The following RIMS2 variants were observed in gnomAD, a reference collection of about 807,000 sequenced individuals.
RIMS2 encodes the protein regulating synaptic membrane exocytosis 2, also known as regulating synaptic membrane exocytosis protein 2.
RIMS2 carries 59 observed loss-of-function variants against 174.4 expected under a neutral mutation model. The ratio of observed to expected loss-of-function variants is 0.34; its 90% CI spans 0.27 to 0.42. The LOEUF is 0.42. RIMS2 is among the 10% of genes least tolerant of loss of function. The pLI is 1.00. For synonymous variants in RIMS2, 606 were observed against 572.5 expected (o/e 1.06, Z -0.84); for missense variants, 1,620 against 1,666.3 (o/e 0.97, Z 0.48).
chr8:104,053,173 T>C (rs988068745), intron 19 of RIMS2, among the ~76,000 whole-genome samples: 12 of 152,178 alleles, frequency 7.9e-5, no homozygotes, highest in Non-Finnish European at 4.4e-5. Context: ...TCACCACAAA[T>C]TAAGTAGAGG....
intron 3 of RIMS2, among the ~76,000 whole-genome samples, chr8:103,867,298 C>T (rs4289779): frequency 5.9e-5 from 9 of 151,602 alleles, no homozygotes; most frequent in South Asian, 2.1e-4. Flanking sequence ...ATTGAAAATT[C>T]GGAAATAACA....
At chr8:103,614,997 C>T (rs1423350322) in intron 1 of RIMS2, among the ~76,000 whole-genome samples, 1 of 152,154 alleles carries the variant, frequency 6.6e-6, no homozygotes, top group Non-Finnish European at 1.5e-5. Context: ...TTCTCTGTTT[C>T]ACATCCAATG....
chr8:103,617,756 T>A (rs2095539719), intron 1 of RIMS2, among the ~76,000 whole-genome samples: 1 of 151,866 alleles, frequency 6.6e-6, no homozygotes, highest in African/African-American at 2.4e-5. Context: ...ATGAAAAAAA[T>A]TCAGTATTAG....
chr8:103,783,646 T>A (rs868535432), intron 3 of RIMS2, among the ~76,000 whole-genome samples: 9,946 of 152,040 alleles, frequency 0.065, 368 homozygotes, highest in Non-Finnish European at 0.078. Flanking sequence ...ATGTGCCACA[T>A]TTTCTTAATC....
At chr8:103,946,569 T>C (rs1213674108) in intron 14 of RIMS2, among the ~76,000 whole-genome samples, 7 of 151,974 alleles carry the variant, frequency 4.6e-5, no homozygotes, top group Admixed American at 2.6e-4. Flanking sequence ...ATGTTCAAAC[T>C]CGTACAATAA....
chr8:103,510,562 T>G (rs892230205), intron 1 of RIMS2, among the ~76,000 whole-genome samples: 6 of 152,278 alleles, frequency 3.9e-5, no homozygotes, highest in African/African-American at 1.2e-4. Context: ...TTGTTGGCTA[T>G]TCAGCTGAGG....
chr8:103,742,276 A>T (rs905040029), intron 2 of RIMS2, among the ~76,000 whole-genome samples: 1 of 152,096 alleles, frequency 6.6e-6, no homozygotes, highest in East Asian at 1.9e-4. Context: ...AAATGTGAGT[A>T]TTTACAGTTT....
intron 2 of RIMS2, among the ~76,000 whole-genome samples, chr8:103,729,407 T>C (rs1451292377): frequency 6.6e-6 from 1 of 152,158 alleles, no homozygotes; most frequent in Non-Finnish European, 1.5e-5. Flanking sequence ...ATTTCTGCAA[T>C]ATCAATTTTA....
At chr8:103,541,843 T>A (rs529256284) in intron 1 of RIMS2, among the ~76,000 whole-genome samples, 93 of 152,284 alleles carry the variant, frequency 6.1e-4, no homozygotes, top group Non-Finnish European at 8.2e-4. Flanking sequence ...AAAAATGCAA[T>A]CAAAGTTTAG....
At chr8:104,060,202 G>T (rs2096955868) in intron 19 of RIMS2, among the ~76,000 whole-genome samples, 1 of 151,490 alleles carries the variant, frequency 6.6e-6, no homozygotes, top group South Asian at 2.1e-4. Flanking sequence ...TCTGGTCCTG[G>T]ACTCTTTTTG....
rs1173002898 is a variant in RIMS2 at position 103,766,220 on chromosome 8, T to A, written c.388-7T>A. The A allele has an allele frequency of 6.3e-7, 1 of 1,593,322 alleles. No individual in the cohort carries two copies. Among genetic ancestry groups the A allele is most frequent in the South Asian group, 1.1e-5 (1 of 88,594 alleles). On this transcript the variant is annotated splice_polypyrimidine_tract_variant and splice_region_variant and intron_variant, in intron 2 of 23. Transcript: ENST00000504942. ...CTAATTTTTTCCCCCTATGTCTTCA[T>A]GTGCAGGTTATGTGGGTATGTAATT...
intron 2 of RIMS2, among the ~76,000 whole-genome samples, chr8:103,738,785 T>A (rs1344334977): frequency 2.0e-5 from 3 of 152,054 alleles, no homozygotes; most frequent in Non-Finnish European, 4.4e-5. Context: ...AAAATGCTCA[T>A]CGTCACTGGC....
At chr8:104,027,599 T>C (rs2096283045) in intron 19 of RIMS2, among the ~76,000 whole-genome samples, 1 of 152,128 alleles carries the variant, frequency 6.6e-6, no homozygotes, top group Non-Finnish European at 1.5e-5. Context: ...AGTGTAGTTC[T>C]TGAAACTTTG....
At chr8:104,249,280 T>C (rs959347577) in intron 21 of RIMS2, among the ~76,000 whole-genome samples, 3 of 152,066 alleles carry the variant, frequency 2.0e-5, no homozygotes, top group African/African-American at 7.2e-5. Flanking sequence ...GACCTTAGAT[T>C]TTAAGAATAA....
At chr8:104,131,883 A>G (rs1281699887) in intron 19 of RIMS2, among the ~76,000 whole-genome samples, 3 of 152,196 alleles carry the variant, frequency 2.0e-5, no homozygotes, top group African/African-American at 7.2e-5. Context: ...AGTGATTTAC[A>G]TTTAATAATA....
intron 1 of RIMS2, among the ~76,000 whole-genome samples, chr8:103,663,821 G>A (rs1005280211): frequency 6.6e-6 from 1 of 152,170 alleles, no homozygotes; most frequent in Non-Finnish European, 1.5e-5. Context: ...AGCCCGCATA[G>A]CCAAGACAGT....
chr8:103,641,249 GATAC>G (rs2096222806), intron 1 of RIMS2, among the ~76,000 whole-genome samples: 1 of 151,828 alleles, frequency 6.6e-6, no homozygotes, highest in Non-Finnish European at 1.5e-5. Flanking sequence ...ATTTCTTATT[GATAC>G]ATAATAGATA....
chr8:103,956,460 A>G (rs546938417), intron 14 of RIMS2, among the ~76,000 whole-genome samples: 1 of 152,298 alleles, frequency 6.6e-6, no homozygotes, highest in South Asian at 2.1e-4. Context: ...ATCTACAACC[A>G]TCTGATCTTT....
intron 19 of RIMS2, among the ~76,000 whole-genome samples, chr8:104,050,597 A>G (rs992876170): frequency 2.6e-5 from 4 of 152,222 alleles, no homozygotes; most frequent in African/African-American, 9.6e-5. Context: ...AAGTTTAGAA[A>G]AGGAGAATAA....
Sources: allele counts gnomAD v4.1 joint callset (sites outside exome capture counted in the v4.1 genomes callset), GRCh38; gene constraint gnomAD v4.1.1; transcripts MANE v1.5; gene names NCBI Gene and HGNC (gene_info 2026-07-23, HGNC 2026-07-21).